The following UNC80 variants were observed in gnomAD, a reference collection of about 807,000 sequenced individuals.
The protein encoded by UNC80 is unc-80 subunit of NALCN channel complex.
A neutral mutation model predicts 384.6 loss-of-function variants in UNC80; 164 were observed. The ratio of observed to expected loss-of-function variants is 0.43; its 90% CI spans 0.38 to 0.49. The LOEUF (loss-of-function observed/expected upper bound fraction) is 0.49, where lower values mean the gene tolerates loss of function less well. Among genes scored for constraint, UNC80 ranks in the 20% least tolerant of loss-of-function variants. The probability of loss-of-function intolerance (pLI) is 0.00; values close to 1 mark genes in which losing one functional copy is unlikely to be tolerated. For missense variants in UNC80, 3,330 were observed against 4,143.0 expected (o/e 0.80, Z 5.39); for synonymous variants, 1,486 against 1,527.8 (o/e 0.97, Z 0.64).
At chr2:209,908,969 A>C (rs10166445) in intron 29 of UNC80, among the ~76,000 whole-genome samples, 42,233 of 152,084 alleles carry the variant, frequency 0.28, 6,326 homozygotes, top group East Asian at 0.4. Context: ...CACAAATTTT[A>C]AACACCTTAT....
rs1156778460 is a variant in UNC80, at chr2:209,996,490, C to A, written c.*895C>A. The A allele has an allele frequency of 6.6e-6, 1 of 152,192 alleles. No individual in the cohort carries two copies. Among genetic ancestry groups the A allele is most frequent in the Non-Finnish European group, 1.5e-5 (1 of 68,032 alleles). 9.4% of individuals were successfully genotyped at this position (152,192 alleles called of 1,614,324 possible). A position where few individuals can be genotyped will look rare whatever the true frequency, so the allele number is the denominator to read the frequency against. On this transcript the variant is annotated 3_prime_UTR_variant, in exon 65 of 65. Coordinates refer to ENST00000673920, the MANE Select transcript of UNC80 (RefSeq NM_001371986.1). ...TTTTCCTTATAGTATCCTGTGCCTGCCCTGGAGGGCATATTTTCAGATATT... is the reference window on the plus strand; with the variant it reads ...TTTTCCTTATAGTATCCTGTGCCTGACCTGGAGGGCATATTTTCAGATATT...
In UNC80 at chr2:209,964,761, T is replaced by C. The variant is rs1200133356; in HGVS notation, c.7806-2676T>C. On this transcript the variant is annotated intron_variant, in intron 51 of 64. Transcript: ENST00000673920. The stretch of plus-strand genomic sequence containing the variant: ...GAGATCGCACCACTGCACTCCAGCC[T>C]GGTGACAGAGTGAGACTCTGTCTCA... Among the ~76,000 whole-genome samples, 3 of 139,506 alleles carry C rather than the reference T, an allele frequency of 2.2e-5. No homozygotes were observed. The South Asian group carries it at 6.7e-4, about 31-fold the overall frequency. The allele number at this position is 139,506 out of a possible 152,430, so 91.5% of individuals were successfully genotyped here.
chr2:209,954,711 G>A (rs952619065), intron 48 of UNC80, among the ~76,000 whole-genome samples: 2 of 152,186 alleles, frequency 1.3e-5, no homozygotes, highest in African/African-American at 4.8e-5. Flanking sequence ...TGTTTGTGAA[G>A]TGTTGTGTTT....
At chr2:209,849,430 A>T (rs2082371610) in intron 21 of UNC80, 21 bp from the exon 22 acceptor site, 1 of 1,550,206 alleles carries the variant, frequency 6.5e-7, no homozygotes, top group African/African-American at 1.4e-5. Context: ...TCATTCCTCC[A>T]CCATGGCACC....
chr2:209,808,027 T>A (rs931126911), intron 7 of UNC80, among the ~76,000 whole-genome samples: 3 of 152,246 alleles, frequency 2.0e-5, no homozygotes, highest in South Asian at 4.1e-4. Flanking sequence ...GATATGTTTC[T>A]AGTCTCTGAT....
At chr2:209,803,679 C>A (rs2078699731) in intron 7 of UNC80, among the ~76,000 whole-genome samples, 1 of 152,106 alleles carries the variant, frequency 6.6e-6, no homozygotes, top group African/African-American at 2.4e-5. Context: ...TTTCTCCAAC[C>A]TCATAGTCAC....
chr2:209,914,180 A>T (rs984164749), intron 31 of UNC80, among the ~76,000 whole-genome samples: 10 of 152,192 alleles, frequency 6.6e-5, no homozygotes, highest in Non-Finnish European at 1.3e-4. Context: ...GGTGTTACCA[A>T]ATTATAGAGA....
At chr2:209,963,428 T>A (rs2092654795) in intron 51 of UNC80, among the ~76,000 whole-genome samples, 1 of 152,232 alleles carries the variant, frequency 6.6e-6, no homozygotes, top group African/African-American at 2.4e-5. Flanking sequence ...AAAGCAAATT[T>A]ATTTTGTCAC....
chr2:209,852,793 T>C (rs140111070), intron 22 of UNC80, among the ~76,000 whole-genome samples: 1,923 of 152,282 alleles, frequency 0.013, 125 homozygotes, highest in Admixed American at 0.1. Flanking sequence ...TTTTTAGCTT[T>C]TGTTTCCTTT....
At position 209,938,643 on chromosome 2, in the gene UNC80, A is replaced by G. The variant is rs531295039; in HGVS notation, c.6466-829A>G. Among the ~76,000 whole-genome samples, 6 of 151,606 alleles carry G rather than the reference A, an allele frequency of 4.0e-5. No individual in the cohort carries two copies. The South Asian group carries it at 1.3e-3, about 32-fold the overall frequency. The stretch of plus-strand genomic sequence containing the variant: ...ATGATTTTGGGGTAAGATAATTGAA[A>G]CCCTAATCAATAATGGTGCTTGCCT... On this transcript the variant is annotated intron_variant, in intron 42 of 64. Transcript: ENST00000673920.
At chr2:209,972,889 T>A (rs1226542352) in intron 55 of UNC80, among the ~76,000 whole-genome samples, 175 bp from the exon 56 acceptor site, 1 of 152,156 alleles carries the variant, frequency 6.6e-6, no homozygotes, top group Non-Finnish European at 1.5e-5. Context: ...AATACTCAGG[T>A]GCCAGGAACA....
intron 28 of UNC80, among the ~76,000 whole-genome samples, chr2:209,897,519 T>C (rs2086921004): frequency 2.0e-5 from 3 of 152,216 alleles, no homozygotes; most frequent in African/African-American, 7.2e-5. Context: ...TGGCCTGGTC[T>C]ACTCTTGGCT....
intron 28 of UNC80, among the ~76,000 whole-genome samples, chr2:209,896,750 C>T (rs1216015355): frequency 1.3e-5 from 2 of 151,958 alleles, no homozygotes; most frequent in Admixed American, 6.6e-5. Context: ...CAGGTTACTG[C>T]GAATTTTGAG....
At chr2:209,987,758 A>G (rs2093318346) in intron 61 of UNC80, among the ~76,000 whole-genome samples, 1 of 152,174 alleles carries the variant, frequency 6.6e-6, no homozygotes, top group South Asian at 2.1e-4. Context: ...TTTGAACAAG[A>G]CTATATAGTC....
chr2:209,948,868 T>C (rs978974545), intron 47 of UNC80, among the ~76,000 whole-genome samples: 1 of 152,078 alleles, frequency 6.6e-6, no homozygotes, highest in East Asian at 1.9e-4. Flanking sequence ...TATTAAGGAG[T>C]CTGCCTTCTA....
At chr2:209,885,129 A>G (rs1487041691) in intron 25 of UNC80, among the ~76,000 whole-genome samples, 1 of 152,194 alleles carries the variant, frequency 6.6e-6, no homozygotes, top group East Asian at 1.9e-4. Flanking sequence ...AGTTAAAAAA[A>G]TCAGAAGCAA....
intron 22 of UNC80, among the ~76,000 whole-genome samples, chr2:209,857,787 TTAAC>T (rs1247349397): frequency 1.3e-5 from 2 of 152,202 alleles, no homozygotes; most frequent in South Asian, 2.1e-4. Flanking sequence ...TCTAATTTCT[TTAAC>T]TATTTCCTTT....
intron 61 of UNC80, among the ~76,000 whole-genome samples, chr2:209,990,312 C>T (rs2093368999): frequency 6.6e-6 from 1 of 152,152 alleles, no homozygotes; most frequent in African/African-American, 2.4e-5. Context: ...CATTTTATTA[C>T]CTGCTTCCTT....
chr2:209,932,069 G>C (rs1040774252), intron 38 of UNC80, among the ~76,000 whole-genome samples: 1 of 152,078 alleles, frequency 6.6e-6, no homozygotes. Flanking sequence ...TCTTAAGTCT[G>C]GCTGGTTGCT....
Sources: gnomAD v4.1 joint callset for allele counts (sites outside exome capture counted in the v4.1 genomes callset) on GRCh38, gnomAD v4.1.1 for gene constraint, MANE v1.5 for transcripts, NCBI Gene and HGNC (gene_info 2026-07-23, HGNC 2026-07-21) for gene names.